SNX32: variants seen among roughly 807,000 people sequenced by gnomAD.
SNX32 encodes the protein sorting nexin-32.
A neutral mutation model predicts 57.0 loss-of-function variants in SNX32; 58 were observed. The observed-to-expected ratio is 1.02, with a 90% CI of 0.82 to 1.27. The LOEUF is 1.27. Ranked by LOEUF, SNX32 falls within the 50% of genes most tolerant of loss-of-function variation. SNX32 has a pLI of 0.00. For missense variants in SNX32, 589 were observed against 541.2 expected (o/e 1.09, Z -0.88); for synonymous variants, 262 against 220.4 (o/e 1.19, Z -1.67).
intron 1 of SNX32, among the ~76,000 whole-genome samples, chr11:65,836,723 T>C (rs972471732): frequency 2.0e-5 from 3 of 152,060 alleles, no homozygotes; most frequent in Admixed American, 6.6e-5. Context: ...TATGTAGCCA[T>C]AAAAAAGAAT....
intron 1 of SNX32, among the ~76,000 whole-genome samples, chr11:65,840,524 C>T (rs1027667896): frequency 1.3e-5 from 2 of 152,076 alleles, no homozygotes; most frequent in Non-Finnish European, 1.5e-5. Flanking sequence ...AAAGAACTGG[C>T]CAGGAAGGTG....
chr11:65,839,084 C>A (rs1358317510), intron 1 of SNX32, among the ~76,000 whole-genome samples: 1 of 151,162 alleles, frequency 6.6e-6, no homozygotes, highest in South Asian at 2.1e-4. Context: ...AGTCTCACTT[C>A]ATTGCCCAGG....
intron 1 of SNX32, among the ~76,000 whole-genome samples, chr11:65,844,345 G>A (rs1020442089): frequency 6.6e-6 from 1 of 151,916 alleles, no homozygotes; most frequent in Non-Finnish European, 1.5e-5. Context: ...CAATTGATAC[G>A]TGTACACAAA....
chr11:65,844,977 A>C (rs1256195192), intron 1 of SNX32, among the ~76,000 whole-genome samples: 2 of 151,294 alleles, frequency 1.3e-5, no homozygotes, highest in Non-Finnish European at 2.9e-5. Context: ...AAAAAAAAAA[A>C]AAAAGTCTTC....
chr11:65,835,331 G>A (rs1404452868), intron 1 of SNX32, among the ~76,000 whole-genome samples: 3 of 150,394 alleles, frequency 2.0e-5, no homozygotes, highest in Non-Finnish European at 4.4e-5. Flanking sequence ...GGGGTAGGTG[G>A]GTAGGGGGTG....
intron 12 of SNX32, 100 bp from the exon 13 acceptor site, chr11:65,853,182 G>C: frequency 1.3e-6 from 2 of 1,527,912 alleles, no homozygotes; most frequent in East Asian, 4.5e-5. Context: ...TTATTGCAGA[G>C]AGCAGGGGTG....
In SNX32 at chr11:65,834,024, G is replaced by A. The variant is rs563293263; in HGVS notation, c.-42G>A. On this transcript the variant is annotated 5_prime_UTR_variant, in exon 1 of 13. Transcript: ENST00000308342. ...GGCGAGTTACGGGGACGACCTGCGG[G>A]AGCACGCGGGCAGTGGCCGGACGCT... 8.4e-6 allele frequency: 13 copies of A among 1,547,770 alleles called. No individual in the cohort carries two copies. The highest frequency in any genetic ancestry group is 4.1e-5 in the African/African-American group (3 of 72,880).
In SNX32 at chr11:65,837,971, C is replaced by T. The variant is rs1010928960; in HGVS notation, c.36+3870C>T. Among the ~76,000 whole-genome samples, 17 of 152,136 alleles carry T rather than the reference C, an allele frequency of 1.1e-4. No individual in the cohort carries two copies. In the East Asian group the frequency reaches 3.3e-3, roughly 30 times the overall value. On this transcript the variant is annotated intron_variant, in intron 1 of 12. Transcript: ENST00000308342. Reference sequence around the variant, plus strand: ...AGGAGTTTGAGACCAGCCTGGCCAACATGGTGAAACCCCGTCTCTACTAAA... The same window carrying T: ...AGGAGTTTGAGACCAGCCTGGCCAATATGGTGAAACCCCGTCTCTACTAAA...
chr11:65,841,691 G>A (rs1027439816), intron 1 of SNX32, among the ~76,000 whole-genome samples: 6 of 151,864 alleles, frequency 4.0e-5, no homozygotes, highest in Non-Finnish European at 5.9e-5. Context: ...CCGAGATTGC[G>A]CCATCGCACT....
At chr11:65,839,576 C>T (rs1858780787) in intron 1 of SNX32, among the ~76,000 whole-genome samples, 1 of 150,848 alleles carries the variant, frequency 6.6e-6, no homozygotes, top group African/African-American at 2.4e-5. Flanking sequence ...AACTCCTGAC[C>T]TCAGGTGATC....
chr11:65,853,572 G>A lies in SNX32; in HGVS notation c.*237G>A, dbSNP rs958127397. The A allele has an allele frequency of 4.1e-5, 24 of 585,392 alleles. No homozygotes were observed. The highest frequency in any genetic ancestry group is 5.2e-5 in the Non-Finnish European group (17 of 327,996). The allele number at this position is 585,392 out of a possible 1,614,324, so 36.3% of individuals were successfully genotyped here. On this transcript the variant is annotated 3_prime_UTR_variant, in exon 13 of 13. Transcript: ENST00000308342. ...ACTGGCCACAGTCAGCAGAGCCCCAGGGACCCTGACACCTCTCCCCAGGAA... is the reference window on the plus strand; with the variant it reads ...ACTGGCCACAGTCAGCAGAGCCCCAAGGACCCTGACACCTCTCCCCAGGAA...
chr11:65,849,537 C>G lies in SNX32; in HGVS notation c.96C>G (p.Asp32Glu). The G allele has an allele frequency of 6.2e-7, 1 of 1,614,164 alleles. No homozygotes were observed. Among genetic ancestry groups the G allele is most frequent in the Non-Finnish European group, 8.5e-7 (1 of 1,179,984 alleles). ...GCTCCTTACAGGTGGAGATTTCTGA[C>G]GCAGTGAGTGAGCGGGACAAGGTGA... The part of the protein sequence containing the change: ...GDSSLQVEIS[D>E]AVSERDKVKF... The change falls in exon 2 of 13, where the codon GAC (aspartate) becomes GAG (glutamate). Residue 32 changes from aspartate to glutamate, a missense_variant. Physicochemically the swap from Asp to Glu is conservative, Grantham distance 45 (BLOSUM62 2). Transcript: ENST00000308342.
intron 1 of SNX32, among the ~76,000 whole-genome samples, chr11:65,844,485 ACGACTCT>A (rs940939480): frequency 1.8e-4 from 27 of 152,122 alleles, no homozygotes; most frequent in Non-Finnish European, 2.8e-4. Flanking sequence ...AAAATGACTA[ACGACTCT>A]GTGGCAAAGA....
At position 65,851,158 on chromosome 11, in the gene SNX32, A is replaced by G; in HGVS notation, c.707A>G (p.Lys236Arg). ...GCCGACCGCGTCATGCGCGCCCACA[A>G]GTGTACGCAGGGCCCAAGGGGTCCT... ...LRADRVMRAH[K>R]CLADDYIPIS... Residue 236 changes from lysine to arginine, a missense_variant and splice_region_variant, in exon 7 of 13, where the codon AAG (lysine) becomes AGG (arginine). By Grantham distance (26) the Lys-to-Arg change is conservative. Transcript: ENST00000308342. 2 of 1,612,148 alleles carry G rather than the reference A, an allele frequency of 1.2e-6. No homozygotes were observed. Among genetic ancestry groups the G allele is most frequent in the Non-Finnish European group, 1.7e-6 (2 of 1,179,840 alleles).
rs536114229 is a variant in SNX32, at chr11:65,847,067, G to A, written c.37-2411G>A. Among the ~76,000 whole-genome samples the A allele has an allele frequency of 4.6e-5, 7 of 151,336 alleles. No homozygotes were observed. In the East Asian group the frequency reaches 1.4e-3, roughly 29 times the overall value. ...CTGTCACCTAGGTTGGAGTGCAGCGGCGAGATCCTGGCTCACTGCAGCCTG... is the reference window on the plus strand; with the variant it reads ...CTGTCACCTAGGTTGGAGTGCAGCGACGAGATCCTGGCTCACTGCAGCCTG... On this transcript the variant is annotated intron_variant, in intron 1 of 12. Coordinates refer to ENST00000308342, the MANE Select transcript of SNX32 (RefSeq NM_152760.3).
At chr11:65,835,385 A>G (rs1259013707) in intron 1 of SNX32, 4 of 152,070 alleles carry the variant, frequency 2.6e-5, no homozygotes, top group African/African-American at 7.2e-5. Context: ...GGGATTGAGC[A>G]GAGGCTGGCA....
intron 1 of SNX32, among the ~76,000 whole-genome samples, chr11:65,842,699 C>G (rs1049851893): frequency 6.6e-6 from 1 of 151,160 alleles, no homozygotes; most frequent in African/African-American, 2.4e-5. Flanking sequence ...GCTGTAATCC[C>G]AGCACTTTGG....
In SNX32 at chr11:65,850,756, T is replaced by C. The variant is rs374446736; in HGVS notation, c.504T>C (p.Ser168=). 172 of 1,613,712 alleles carry C rather than the reference T, an allele frequency of 1.1e-4. No individual in the cohort carries two copies. The highest frequency in any genetic ancestry group is 1.2e-4 in the Non-Finnish European group (138 of 1,179,890). The change falls in exon 6 of 13, where the codon AGT becomes AGC. Residue 168 remains serine (S), a synonymous_variant. Transcript: ENST00000308342. Reference sequence around the variant, plus strand: ...ACCCTCCCTGTGTGCCTCAGCTGAGTGTCCGGGGGAAGAACAGGAAGGAGC... The same window carrying C: ...ACCCTCCCTGTGTGCCTCAGCTGAGCGTCCGGGGGAAGAACAGGAAGGAGC... ...FVFLEYGQDL[S]VRGKNRKELL...
chr11:65,852,141 C>A (rs1859219031), intron 9 of SNX32, among the ~76,000 whole-genome samples: 1 of 152,178 alleles, frequency 6.6e-6, no homozygotes, highest in African/African-American at 2.4e-5. Flanking sequence ...CCACTTTCAG[C>A]CTCTTGTGCT....
Sources: allele counts gnomAD v4.1 joint callset (sites outside exome capture counted in the v4.1 genomes callset), GRCh38; gene constraint gnomAD v4.1.1; transcripts MANE v1.5; gene names NCBI Gene and HGNC (gene_info 2026-07-23, HGNC 2026-07-21).